The following VIPR1 variants were observed in gnomAD, a reference collection of about 807,000 sequenced individuals.
The protein encoded by VIPR1 is vasoactive intestinal polypeptide receptor 1.
Under a neutral mutation model 58.8 loss-of-function variants are expected in VIPR1, and 59 were observed. The observed-to-expected ratio is 1.00, with a 90% CI of 0.81 to 1.25. VIPR1 has a LOEUF of 1.25. Ranked by LOEUF, VIPR1 falls within the 50% of genes most tolerant of loss-of-function variation. The pLI, the probability that VIPR1 is intolerant of heterozygous loss-of-function variation, is 0.00. For synonymous variants in VIPR1, 251 were observed against 242.1 expected, an observed-to-expected ratio of 1.04 and a Z score of -0.34; for missense variants, 626 against 602.7, an observed-to-expected ratio of 1.04 and a Z score of -0.40.
rs1293122295 is a variant in VIPR1, at chr3:42,536,907, G to A, written c.*626G>A. ...CCTATCTTAGTGGTTCCCCACCGAA[G>A]TGGACTGGCCCCTGGGTCAGTCTGG... On this transcript the variant is annotated 3_prime_UTR_variant, in exon 13 of 13. Transcript: ENST00000325123. 1 of 152,234 alleles carries A rather than the reference G, an allele frequency of 6.6e-6. No individual in the cohort carries two copies. Among genetic ancestry groups the A allele is most frequent in the Non-Finnish European group, 1.5e-5 (1 of 68,062 alleles). 9.4% of individuals were successfully genotyped at this position (152,234 alleles called of 1,614,324 possible).
Position 42,527,965 on chromosome 3 carries a change from C to A in VIPR1, c.504-26C>A, listed in dbSNP as rs181293741. 9.5e-4 allele frequency: 1,523 copies of A among 1,610,712 alleles called. 33 individuals are homozygous for A. The East Asian group carries it at 0.029, about 31-fold the overall frequency. ...GGTGGGGATCCAAGGCCCCTTTGGC[C>A]TCCCAGATCTGCCCACCCCACACAG... On this transcript the variant is annotated intron_variant, in intron 5 of 12. Transcript: ENST00000325123.
At chr3:42,511,655 G>A (rs1434183931) in intron 1 of VIPR1, 1 of 152,314 alleles carries the variant, frequency 6.6e-6, no homozygotes, top group Non-Finnish European at 1.5e-5. Context: ...GAGACGCTGG[G>A]AAGGGGCCAG....
chr3:42,489,981 G>A (rs955458050), intron 1 of VIPR1, among the ~76,000 whole-genome samples: 1 of 152,028 alleles, frequency 6.6e-6, no homozygotes, highest in African/African-American at 2.4e-5. Context: ...TTTCTTCAGA[G>A]CACAGTTCCC....
rs746864283 is a variant in VIPR1 at position 42,527,445 on chromosome 3, G to A, written c.452G>A (p.Gly151Asp). 5.0e-6 allele frequency: 8 copies of A among 1,613,832 alleles called. No homozygotes were observed. In the South Asian group the frequency reaches 8.8e-5, roughly 18 times the overall value. ...AAGACCGGCTACACCATTGGCTACG[G>A]CCTGTCCCTCGCCACCCTTCTGGTC... Reference protein sequence around the residue: ...SVKTGYTIGYGLSLATLLVAT... With the variant: ...SVKTGYTIGYDLSLATLLVAT... The change falls in exon 5 of 13, where the codon GGC becomes GAC. Residue 151 changes from glycine to aspartate, a missense_variant. By Grantham distance (94) the Gly-to-Asp change is moderately conservative (BLOSUM62 -1). Transcript: ENST00000325123.
chr3:42,527,697 C>A (rs1221025068), intron 5 of VIPR1: 12 of 641,350 alleles, frequency 1.9e-5, no homozygotes, highest in Non-Finnish European at 8.1e-6. Flanking sequence ...CCTAGTCTCC[C>A]CTAGGATGGC....
intron 1 of VIPR1, among the ~76,000 whole-genome samples, chr3:42,505,582 C>T (rs999687487): frequency 5.3e-5 from 8 of 152,240 alleles, no homozygotes; most frequent in Admixed American, 3.9e-4. Flanking sequence ...AGGTTACCAC[C>T]TCAGTTAGGC....
At chr3:42,522,102 T>TATATATATATATATATA (rs1553638336) in intron 3 of VIPR1, among the ~76,000 whole-genome samples, 11 of 13,672 alleles carry the variant, frequency 8.0e-4, no homozygotes, top group South Asian at 8.7e-3. Flanking sequence ...TATATATATA[T>TATATATATATATATATA]TTTTTTTTTT....
chr3:42,521,836 C>A (rs1700938612), intron 3 of VIPR1, among the ~76,000 whole-genome samples: 1 of 151,582 alleles, frequency 6.6e-6, no homozygotes, highest in African/African-American at 2.4e-5. Context: ...CAACCTCCGT[C>A]TCCTGGGTTC....
At chr3:42,502,611 C>G (rs1308960208), upstream of VIPR1, 2 of 714,978 alleles carry the variant, frequency 2.8e-6, no homozygotes, top group Non-Finnish European at 3.8e-6. Context: ...CTGAGCTGCG[C>G]CTCTTAGCTC....
chr3:42,532,052 G>A (rs1701590271), intron 9 of VIPR1, 183 bp downstream of exon 9: 3 of 896,054 alleles, frequency 3.3e-6, no homozygotes, highest in Non-Finnish European at 5.3e-6. Context: ...CGGATTGGGA[G>A]CACAGTCCTT....
At chr3:42,498,082 C>G (rs915149612), upstream of VIPR1, among the ~76,000 whole-genome samples, 1 of 152,184 alleles carries the variant, frequency 6.6e-6, no homozygotes, top group African/African-American at 2.4e-5. Context: ...TCCCCTGGAG[C>G]AGGAGCTCTC....
chr3:42,517,189 G>T (rs1700672209), intron 2 of VIPR1, among the ~76,000 whole-genome samples: 1 of 152,224 alleles, frequency 6.6e-6, no homozygotes, highest in African/African-American at 2.4e-5. Context: ...CCCAGAAAGT[G>T]CCCCTTGCTG....
At chr3:42,528,432 T>A (rs1164592293) in intron 6 of VIPR1, 5 of 344,334 alleles carry the variant, frequency 1.5e-5, no homozygotes, top group Non-Finnish European at 2.7e-5. Context: ...CACCTGTTGC[T>A]AACTTCCTAT....
chr3:42,524,873 C>T (rs974087922), intron 3 of VIPR1, among the ~76,000 whole-genome samples: 2 of 152,160 alleles, frequency 1.3e-5, no homozygotes, highest in African/African-American at 4.8e-5. Flanking sequence ...GGGGCCTCCA[C>T]TTCTTAACTG....
intron 3 of VIPR1, among the ~76,000 whole-genome samples, chr3:42,523,028 G>A (rs750694193): frequency 6.6e-5 from 10 of 152,060 alleles, no homozygotes; most frequent in Non-Finnish European, 1.5e-5. Context: ...TCCCTCCCAC[G>A]GTGGAGCCCA....
intron 1 of VIPR1, among the ~76,000 whole-genome samples, chr3:42,494,951 C>T (rs1699730320): frequency 6.6e-6 from 1 of 151,890 alleles, no homozygotes; most frequent in African/African-American, 2.4e-5. Flanking sequence ...ACTTCCTTAC[C>T]ATAATAATTA....
At position 42,513,814 on chromosome 3, in the gene VIPR1, G is replaced by A; in HGVS notation, c.144G>A (p.Lys48=). The change falls in exon 2 of 13, where the codon AAG becomes AAA. Residue 48 remains lysine (K), a synonymous_variant. Transcript: ENST00000325123. ...TGCAGATGATCGAGGTGCAGCACAA[G>A]CAGTGCCTGGAGGAGGCCCAGCTGG... ...DYVQMIEVQH[K]QCLEEAQLEN... The A allele has an allele frequency of 6.4e-7, 1 of 1,551,710 alleles. No homozygotes were observed. Among genetic ancestry groups the A allele is most frequent in the Non-Finnish European group, 8.7e-7 (1 of 1,146,978 alleles).
At chr3:42,521,924 T>A (rs1700943127) in intron 3 of VIPR1, among the ~76,000 whole-genome samples, 1 of 150,072 alleles carries the variant, frequency 6.7e-6, no homozygotes, top group African/African-American at 2.5e-5. Flanking sequence ...ATTTTTGTAT[T>A]TTTAGTAGAG....
chr3:42,503,244 C>T (rs924759570), intron 1 of VIPR1, among the ~76,000 whole-genome samples: 1 of 152,120 alleles, frequency 6.6e-6, no homozygotes, highest in Non-Finnish European at 1.5e-5. Context: ...CTGGAGGTGC[C>T]TGTGGGCTGT....
Sources: allele counts gnomAD v4.1 joint callset (sites outside exome capture counted in the v4.1 genomes callset), GRCh38; gene constraint gnomAD v4.1.1; transcripts MANE v1.5; gene names NCBI Gene and HGNC (gene_info 2026-07-23, HGNC 2026-07-21).